The following ECM2 variants were observed in gnomAD, a reference collection of about 807,000 sequenced individuals.
ECM2 encodes extracellular matrix protein 2, female organ and adipocyte specific.
A neutral mutation model predicts 67.5 loss-of-function variants in ECM2; 57 were observed. The observed-to-expected ratio is 0.84, with a 90% CI of 0.68 to 1.05. The LOEUF (loss-of-function observed/expected upper bound fraction) is 1.05, where lower values mean the gene tolerates loss of function less well. Among genes scored for constraint, ECM2 ranks in the 50% least tolerant of loss-of-function variants. ECM2 has a pLI of 0.00. For missense variants in ECM2, 741 were observed against 822.8 expected (o/e 0.90, Z 1.22); for synonymous variants, 258 against 294.5 (o/e 0.88, Z 1.27).
At chr9:92,554,838 A>G in the ECM2 span, among the ~76,000 whole-genome samples, 1 of 151,594 alleles carries the variant, frequency 6.6e-6, no homozygotes, top group East Asian at 1.9e-4. Context: ...GGGTTTCACC[A>G]TGTTGGCCAG....
intron 1 of ECM2, among the ~76,000 whole-genome samples, chr9:92,528,527 C>T (rs1848551175): frequency 6.8e-6 from 1 of 148,000 alleles, no homozygotes; most frequent in Non-Finnish European, 1.5e-5. Flanking sequence ...AAAGAACTAA[C>T]CTAAAGGACA....
Position 92,532,015 on chromosome 9 carries a change from GT to G in ECM2, c.-28+3917del, listed in dbSNP as rs71362397. ...TTTTCTTTTTCTTTTTTTATTTAATGTTTTTTTTTTTTTATTTTATTTTTTT... is the reference window on the plus strand; with the variant it reads ...TTTTCTTTTTCTTTTTTTATTTAATGTTTTTTTTTTTTATTTTATTTTTTT... On this transcript the variant is annotated intron_variant, in intron 1 of 9. Transcript: ENST00000344604. Among the ~76,000 whole-genome samples the G allele has an allele frequency of 2.9e-3, 282 of 95,710 alleles. 7 individuals are homozygous for G. The highest frequency in any genetic ancestry group is 3.8e-3 in the Non-Finnish European group (194 of 51,424). The allele number at this position is 95,710 out of a possible 152,430, so 62.8% of individuals were successfully genotyped here.
intron 1 of ECM2, among the ~76,000 whole-genome samples, chr9:92,524,006 AC>A (rs1233595732): frequency 1.3e-5 from 2 of 152,210 alleles, no homozygotes; most frequent in African/African-American, 4.8e-5. Flanking sequence ...GAAACTCATT[AC>A]CAGTAAAGGT....
intron 2 of ECM2, among the ~76,000 whole-genome samples, chr9:92,519,578 A>G (rs1294945139): frequency 6.6e-6 from 1 of 152,244 alleles, no homozygotes; most frequent in Non-Finnish European, 1.5e-5. Context: ...ATCTTCAACA[A>G]CTAGTGCTGG....
At chr9:92,552,989 C>G in the ECM2 span, among the ~76,000 whole-genome samples, 1 of 151,170 alleles carries the variant, frequency 6.6e-6, no homozygotes, top group African/African-American at 2.4e-5. Flanking sequence ...TTTTTTTAAG[C>G]CAATGTCTAG....
intron 7 of ECM2, among the ~76,000 whole-genome samples, chr9:92,502,884 T>G (rs1015832995): frequency 1.3e-5 from 2 of 148,530 alleles, no homozygotes; most frequent in African/African-American, 2.5e-5. Flanking sequence ...CATGGCTCAC[T>G]GCAGCCTTGA....
upstream of ECM2, among the ~76,000 whole-genome samples, chr9:92,538,344 A>G (rs1034232843): frequency 2.6e-5 from 4 of 152,232 alleles, no homozygotes; most frequent in African/African-American, 9.6e-5. Context: ...CTTTTGATGT[A>G]TGTAATTTAG....
chr9:92,499,139 T>C (rs959049428), intron 9 of ECM2, among the ~76,000 whole-genome samples: 4 of 152,216 alleles, frequency 2.6e-5, no homozygotes, highest in African/African-American at 4.8e-5. Context: ...AAGAGCCAGT[T>C]TGAATGGCGA....
In ECM2 at chr9:92,502,896, C is replaced by T. The variant is rs1846777145; in HGVS notation, c.1465-244G>A. 1.3e-5 allele frequency among the ~76,000 whole-genome samples: 2 copies of T among 150,856 alleles called. 1 individual carries two copies. The highest frequency in any genetic ancestry group is 4.2e-4 in the South Asian group (2 of 4,736). On this transcript the variant is annotated intron_variant, in intron 7 of 9. Transcript: ENST00000344604. Reference sequence around the variant, plus strand: ...AAACATGGCTCACTGCAGCCTTGACCTCCCAGGCTCAAGTGATCCTACCAC... The same window carrying T: ...AAACATGGCTCACTGCAGCCTTGACTTCCCAGGCTCAAGTGATCCTACCAC...
chr9:92,510,148 C>CA lies in ECM2; in HGVS notation c.1171-115dup. The stretch of plus-strand genomic sequence containing the variant: ...AAACCTATCCTTCCTTAGGCTTAGA[C>CA]AGTAATGTCCAGGCCACACAGCAAA... On this transcript the variant is annotated intron_variant, in intron 5 of 9. Transcript: ENST00000344604. 3.4e-6 allele frequency: 4 copies of CA among 1,190,028 alleles called. No homozygotes were observed. In the South Asian group the frequency reaches 6.8e-5, roughly 20 times the overall value. 73.7% of individuals were successfully genotyped at this position (1,190,028 alleles called of 1,614,324 possible).
chr9:92,558,638 C>A, the ECM2 span, among the ~76,000 whole-genome samples: 1 of 152,058 alleles, frequency 6.6e-6, no homozygotes, highest in Non-Finnish European at 1.5e-5. Flanking sequence ...GGTGATGCTT[C>A]CTGGAAGGCA....
At chr9:92,531,920 AT>A (rs146044903) in intron 1 of ECM2, among the ~76,000 whole-genome samples, 1 of 146,032 alleles carries the variant, frequency 6.8e-6, no homozygotes, top group Non-Finnish European at 1.5e-5. Context: ...GATACGGTTG[AT>A]TTTTTCCCCC....
At chr9:92,525,592 T>C (rs962366810) in intron 1 of ECM2, among the ~76,000 whole-genome samples, 1 of 152,130 alleles carries the variant, frequency 6.6e-6, no homozygotes, top group African/African-American at 2.4e-5. Context: ...CTTCCAGTCA[T>C]ATAAAAATAC....
the ECM2 span, among the ~76,000 whole-genome samples, chr9:92,552,157 A>G: frequency 7.8e-5 from 11 of 140,578 alleles, no homozygotes; most frequent in African/African-American, 3.1e-4. Context: ...TGATAGATCT[A>G]TCATATATAT....
rs964668563 is a variant in ECM2 at position 92,514,781 on chromosome 9, A to T, written c.904T>A (p.Ser302Thr). 12 of 1,613,842 alleles carry T rather than the reference A, an allele frequency of 7.4e-6. No homozygotes were observed. Among genetic ancestry groups the T allele is most frequent in the Non-Finnish European group, 8.5e-6 (10 of 1,179,990 alleles). ...GGAGGAGCAGGAAGCGGGGATCGAGAGGGCATTCGGAACATATCTCCTCTT... is the reference window on the plus strand; with the variant it reads ...GGAGGAGCAGGAAGCGGGGATCGAGTGGGCATTCGGAACATATCTCCTCTT... ...PVRGDMFRMP[S>T]RSPLPAPPRG... The change falls in exon 4 of 10, where the codon TCT becomes ACT. Residue 302 changes from serine to threonine, a missense_variant. Ser to Thr is a moderately conservative substitution (Grantham distance 58, BLOSUM62 1). Coordinates refer to ENST00000344604, the MANE Select transcript of ECM2 (RefSeq NM_001393.4).
chr9:92,541,677 C>T, the ECM2 span, among the ~76,000 whole-genome samples: 2 of 151,978 alleles, frequency 1.3e-5, no homozygotes, highest in Admixed American at 1.3e-4. Flanking sequence ...TTCATATATA[C>T]ATTTTCTTTA....
At chr9:92,556,209 T>C in the ECM2 span, among the ~76,000 whole-genome samples, 2 of 152,224 alleles carry the variant, frequency 1.3e-5, no homozygotes, top group Non-Finnish European at 2.9e-5. Flanking sequence ...AAGTTTCCTT[T>C]TGGAATTGAT....
At chr9:92,520,374 A>G (rs1445439750) in intron 2 of ECM2, among the ~76,000 whole-genome samples, 1 of 152,210 alleles carries the variant, frequency 6.6e-6, no homozygotes, top group African/African-American at 2.4e-5. Flanking sequence ...AAAGATGCTT[A>G]ACATCATTAG....
At chr9:92,520,746 G>T (rs1848015401) in intron 2 of ECM2, among the ~76,000 whole-genome samples, 1 of 152,052 alleles carries the variant, frequency 6.6e-6, no homozygotes, top group Admixed American at 6.5e-5. Context: ...AAACAAATAT[G>T]GTATAGCCAT....
Sources: gnomAD v4.1 joint callset for allele counts (sites outside exome capture counted in the v4.1 genomes callset) on GRCh38, gnomAD v4.1.1 for gene constraint, MANE v1.5 for transcripts, NCBI Gene and HGNC (gene_info 2026-07-23, HGNC 2026-07-21) for gene names.